Variants in ZNF560 observed in about 807,000 individuals in gnomAD.
ZNF560 encodes zinc finger protein 560.
In ZNF560, 54 loss-of-function variants were observed where a neutral mutation model predicts 81.8. The observed-to-expected ratio is 0.66, with a 90% confidence interval of 0.53 to 0.83. The LOEUF (loss-of-function observed/expected upper bound fraction) is 0.83. ZNF560 is among the 40% of genes least tolerant of loss of function. ZNF560 has a pLI of 0.00. For missense variants in ZNF560, 940 were observed against 932.4 expected (o/e 1.01, Z -0.11); for synonymous variants, 321 against 317.9 (o/e 1.01, Z -0.10).
At chr19:9,504,390 G>A in the ZNF560 span, among the ~76,000 whole-genome samples, 2 of 152,086 alleles carry the variant, frequency 1.3e-5, no homozygotes, top group African/African-American at 4.8e-5. Context: ...AGCCGAAATT[G>A]CACCCCTGCC....
chr19:9,494,794 C>T (rs10422637), intron 2 of ZNF560, among the ~76,000 whole-genome samples: 7,327 of 152,154 alleles, frequency 0.048, 601 homozygotes, highest in African/African-American at 0.17. Flanking sequence ...GTAATCCCAG[C>T]TACTCAGTAG....
intron 2 of ZNF560, among the ~76,000 whole-genome samples, chr19:9,475,811 T>G (rs1276166369): frequency 6.6e-6 from 1 of 152,100 alleles, no homozygotes; most frequent in Non-Finnish European, 1.5e-5. Context: ...TTTCACCGTG[T>G]TACCCAGGAT....
At position 9,488,410 on chromosome 19, in the gene ZNF560, C is replaced by T. The variant is rs568358482; in HGVS notation, c.-57+9718G>A. 1.1e-4 allele frequency among the ~76,000 whole-genome samples: 17 copies of T among 152,138 alleles called. 1 individual carries two copies. Among genetic ancestry groups the T allele is most frequent in the East Asian group, 5.8e-4 (3 of 5,152 alleles). On this transcript the variant is annotated intron_variant, in intron 2 of 9. Coordinates refer to ENST00000301480, the MANE Select transcript of ZNF560 (RefSeq NM_152476.3). ...CACTTTGAGCCTCCCTTACCAGGGA[C>T]GTAGCTTACCCTTTGGTTTCTGAGG...
intron 5 of ZNF560, 77 bp from the exon 6 acceptor site, chr19:9,471,455 C>T: frequency 1.1e-6 from 1 of 904,180 alleles, no homozygotes; most frequent in African/African-American, 1.8e-5. Context: ...AAATTATAGG[C>T]CTCATTCATA....
upstream of ZNF560, among the ~76,000 whole-genome samples, chr19:9,499,892 A>G (rs1271832026): frequency 6.6e-6 from 1 of 152,156 alleles, no homozygotes; most frequent in African/African-American, 2.4e-5. Context: ...TTGCTGGTGT[A>G]TAGATACAAA....
At chr19:9,462,708 T>G (rs555980996), downstream of ZNF560, among the ~76,000 whole-genome samples, 1 of 152,340 alleles carries the variant, frequency 6.6e-6, no homozygotes, top group Non-Finnish European at 1.5e-5. Context: ...ACTGCATTTT[T>G]CTGGAATTAC....
intron 2 of ZNF560, among the ~76,000 whole-genome samples, chr19:9,496,148 C>G (rs1040626456): frequency 6.6e-6 from 1 of 152,074 alleles, no homozygotes; most frequent in Non-Finnish European, 1.5e-5. Context: ...CTCATGGATG[C>G]TAAAATAATT....
chr19:9,503,617 C>G, the ZNF560 span, among the ~76,000 whole-genome samples: 1 of 152,190 alleles, frequency 6.6e-6, no homozygotes, highest in Non-Finnish European at 1.5e-5. Flanking sequence ...TTACTGCAGC[C>G]TCAACCAACT....
chr19:9,500,394 C>CAAAAAAAAAAAAA (rs767714516), upstream of ZNF560, among the ~76,000 whole-genome samples: 1 of 82,668 alleles, frequency 1.2e-5, no homozygotes, highest in Non-Finnish European at 2.2e-5. Flanking sequence ...AACTTCATCT[C>CAAAAAAAAAAAAA]AAAAAAAAAA....
intron 2 of ZNF560, among the ~76,000 whole-genome samples, chr19:9,493,675 G>C (rs887251555): frequency 6.6e-6 from 1 of 151,972 alleles, no homozygotes; most frequent in African/African-American, 2.4e-5. Context: ...CTCTTTGATT[G>C]TTACGTATAC....
chr19:9,475,229 G>A, intron 3 of ZNF560, 55 bp downstream of exon 3: 1 of 1,587,772 alleles, frequency 6.3e-7, no homozygotes, highest in South Asian at 1.1e-5. Context: ...AAGGAAATGT[G>A]TTTACCTGGT....
chr19:9,468,230 G>A lies in ZNF560; in HGVS notation c.717C>T (p.Gly239=), dbSNP rs771738879. The A allele has an allele frequency of 6.2e-6, 10 of 1,613,932 alleles. No homozygotes were observed. The Admixed American group carries it at 1.5e-4, about 24-fold the overall frequency. Residue 239 remains glycine, a synonymous_variant, in exon 10 of 10, where the codon GGC becomes GGT. Transcript: ENST00000301480. ...CATACTGAATACATTCAGACGTGTT[G>A]CCTCTATTTTGAGTACTCATGTTGG... ...LKTNMSTQNR[G]NTSECIQYAK... is the part of the protein sequence containing the mutation.
rs1012752670 is a variant in ZNF560, at chr19:9,498,604, AAAAG to A, written c.-215_-212del. On this transcript the variant is annotated 5_prime_UTR_variant, in exon 1 of 10. Transcript: ENST00000301480. Reference sequence around the variant, plus strand: ...TCTGAGGAAACAGGCGCCAGCGACCAAAAGAGAGAACTGGCGCGCCGCAACGTCA... The same window carrying A: ...TCTGAGGAAACAGGCGCCAGCGACCAAGAGAACTGGCGCGCCGCAACGTCA... 3 of 152,324 alleles carry A rather than the reference AAAAG, an allele frequency of 2.0e-5. No homozygotes were observed. Among genetic ancestry groups the A allele is most frequent in the African/African-American group, 7.2e-5 (3 of 41,452 alleles). The allele number at this position is 152,324 out of a possible 1,614,324, so 9.4% of individuals were successfully genotyped here.
chr19:9,455,976 A>G, the ZNF560 span, among the ~76,000 whole-genome samples: 5 of 152,228 alleles, frequency 3.3e-5, no homozygotes, highest in African/African-American at 4.8e-5. Context: ...AAAACTGCTG[A>G]ACCAGGTCTA....
chr19:9,477,806 A>G (rs959312242), intron 2 of ZNF560, among the ~76,000 whole-genome samples: 1 of 151,056 alleles, frequency 6.6e-6, no homozygotes, highest in African/African-American at 2.5e-5. Context: ...CATCAACAGT[A>G]GAGAAGGAAA....
In ZNF560 at chr19:9,467,443, A is replaced by T; in HGVS notation, c.1504T>A (p.Ser502Thr). 1 of 1,613,630 alleles carries T rather than the reference A, an allele frequency of 6.2e-7. No homozygotes were observed. The highest frequency in any genetic ancestry group is 2.2e-5 in the East Asian group (1 of 44,844). Residue 502 changes from serine to threonine, a missense_variant, in exon 10 of 10, where the codon TCT becomes ACT. Coordinates refer to ENST00000301480, the MANE Select transcript of ZNF560 (RefSeq NM_152476.3). ...QCGKVFVSFS[S>T]LFAHLRTHTG... is the part of the protein sequence containing the mutation. ...TGAGTTCTCAAATGAGCAAAAAGAG[A>T]TGAGAAAGAAACAAAGACTTTCCCA...
chr19:9,457,788 G>A, the ZNF560 span, among the ~76,000 whole-genome samples: 3 of 152,246 alleles, frequency 2.0e-5, no homozygotes, highest in East Asian at 1.9e-4. Flanking sequence ...ATTGGATACC[G>A]CCTGCTCTAG....
At chr19:9,502,728 TCTAA>T (rs2073642307), upstream of ZNF560, among the ~76,000 whole-genome samples, 1 of 152,212 alleles carries the variant, frequency 6.6e-6, no homozygotes, top group African/African-American at 2.4e-5. Flanking sequence ...ATTTAGGTTA[TCTAA>T]CTAGTTGTAC....
chr19:9,465,646 T>C (rs897804797), downstream of ZNF560, among the ~76,000 whole-genome samples: 1 of 152,232 alleles, frequency 6.6e-6, no homozygotes, highest in Non-Finnish European at 1.5e-5. Context: ...AATTACAATG[T>C]GACTATTAAG....
Sources: gnomAD v4.1 joint callset for allele counts (sites outside exome capture counted in the v4.1 genomes callset) on GRCh38, gnomAD v4.1.1 for gene constraint, MANE v1.5 for transcripts, NCBI Gene and HGNC (gene_info 2026-07-23, HGNC 2026-07-21) for gene names.